AVIL: variants seen among roughly 807,000 people sequenced by gnomAD.
AVIL encodes advillin.
AVIL carries 78 observed loss-of-function variants against 109.9 expected under a neutral mutation model. That is an observed-to-expected ratio of 0.71 (90% CI 0.59 to 0.86). The LOEUF (loss-of-function observed/expected upper bound fraction) is 0.86, where lower values mean the gene tolerates loss of function less well. AVIL is among the 40% of genes least tolerant of loss of function. The pLI, the probability that AVIL is intolerant of heterozygous loss-of-function variation, is 0.00. For missense variants in AVIL, 892 were observed against 1,016.5 expected (o/e 0.88, Z 1.67); for synonymous variants, 367 against 379.1 (o/e 0.97, Z 0.37).
At position 57,797,871 on chromosome 12, in the gene AVIL, G is replaced by A. The variant is rs1489543501; in HGVS notation, c.*11C>T. 1 of 1,602,070 alleles carries A rather than the reference G, an allele frequency of 6.2e-7. No individual in the cohort carries two copies. The highest frequency in any genetic ancestry group is 2.2e-5 in the East Asian group (1 of 44,688). On this transcript the variant is annotated 3_prime_UTR_variant, in exon 20 of 20. Coordinates refer to ENST00000549994, the MANE Select transcript of AVIL (RefSeq NM_006576.4). ...TTCTGTGGCCTTGCAATAGGTATAG[G>A]CCTTCTTGCTTTAGAAAAGCCCCTT...
intron 14 of AVIL, among the ~76,000 whole-genome samples, chr12:57,804,575 G>A (rs141895239): frequency 1.4e-4 from 21 of 152,294 alleles, no homozygotes; most frequent in Non-Finnish European, 2.6e-4. Context: ...ACTTTGGGAG[G>A]CTGAGGCAGG....
At position 57,810,563 on chromosome 12, in the gene AVIL, G is replaced by T; in HGVS notation, c.559-12C>A. 6.2e-7 allele frequency: 1 copy of T among 1,612,296 alleles called. No homozygotes were observed. The highest frequency in any genetic ancestry group is 8.5e-7 in the Non-Finnish European group (1 of 1,179,866). ...GCCAGAAGCATAGCCTGTCAAAGAAGCCCAAGGAAGCCCTCAGCTCCTCTG... is the reference window on the plus strand; with the variant it reads ...GCCAGAAGCATAGCCTGTCAAAGAATCCCAAGGAAGCCCTCAGCTCCTCTG... On this transcript the variant is annotated splice_polypyrimidine_tract_variant and intron_variant, in intron 6 of 19. Coordinates refer to ENST00000549994, the MANE Select transcript of AVIL (RefSeq NM_006576.4).
Position 57,815,992 on chromosome 12 carries a change from T to G in AVIL, c.49A>C (p.Ile17Leu). ...FRAVDNDPGI[I>L]VWRIEKMELA... is the part of the protein sequence containing the mutation. ...CAGCTCACCTCTATTCTCCAGACAA[T>G]GATCCCAGGGTCGTTGTCCACAGCC... The change falls in exon 2 of 20, where the codon ATT becomes CTT. Residue 17 changes from isoleucine (I) to leucine (L), a missense_variant. Physicochemically the swap from Ile to Leu is conservative, Grantham distance 5. Coordinates refer to ENST00000549994, the MANE Select transcript of AVIL (RefSeq NM_006576.4). The G allele has an allele frequency of 6.2e-7, 1 of 1,614,198 alleles. No homozygotes were observed. Among genetic ancestry groups the G allele is most frequent in the South Asian group, 1.1e-5 (1 of 91,080 alleles).
chr12:57,818,516 T>C (rs1489004575), intron 1 of AVIL, 113 bp downstream of exon 1: 1 of 152,216 alleles, frequency 6.6e-6, no homozygotes, highest in East Asian at 1.9e-4. Flanking sequence ...TGGTTCATTT[T>C]AAAAGCCTCA....
chr12:57,816,163 G>C, intron 1 of AVIL, 104 bp from the exon 2 acceptor site: 1 of 896,218 alleles, frequency 1.1e-6, no homozygotes, highest in Non-Finnish European at 1.7e-6. Flanking sequence ...CAGCCATCCT[G>C]CCACACCCTC....
chr12:57,815,889 G>A (rs1956095695), intron 2 of AVIL, 86 bp downstream of exon 2: 16 of 1,597,740 alleles, frequency 1.0e-5, no homozygotes, highest in Middle Eastern at 2.0e-4. Flanking sequence ...AAGGGGTGCT[G>A]GCGGGCTGTT....
intron 1 of AVIL, 85 bp from the exon 2 acceptor site, chr12:57,816,144 G>A: frequency 4.3e-6 from 5 of 1,168,270 alleles, no homozygotes; most frequent in Non-Finnish European, 6.1e-6. Flanking sequence ...CTGCTTCCCA[G>A]TCTGTTGTCA....
chr12:57,805,939 A>C (rs1229899437), intron 14 of AVIL: 2 of 157,160 alleles, frequency 1.3e-5, no homozygotes, highest in South Asian at 1.5e-4. Flanking sequence ...CTGGTTCAAG[A>C]GATTCTTCTG....
In AVIL at chr12:57,809,807, C is replaced by T. The variant is rs1204950672; in HGVS notation, c.840+5G>A. ...CCAAGCTAAGTCCACCCAAACTCTACTTACATCATGGTTCAGTAAGTCCTG... is the reference window on the plus strand; with the variant it reads ...CCAAGCTAAGTCCACCCAAACTCTATTTACATCATGGTTCAGTAAGTCCTG... On this transcript the variant is annotated splice_donor_5th_base_variant and intron_variant, in intron 8 of 19. Transcript: ENST00000549994. The T allele has an allele frequency of 1.9e-6, 3 of 1,614,222 alleles. No individual in the cohort carries two copies. In the South Asian group the frequency reaches 3.3e-5, roughly 18 times the overall value.
rs755933666 is a variant in AVIL, at chr12:57,805,536, GT to G, written c.1671+823del. On this transcript the variant is annotated intron_variant, in intron 14 of 19. Transcript: ENST00000549994. ...TAGGTGTAAGCAGGGCTTTCAGTGAGTTTTTTTTTTTTTTGAGATGGAGTTT... is the reference window on the plus strand; with the variant it reads ...TAGGTGTAAGCAGGGCTTTCAGTGAGTTTTTTTTTTTTTGAGATGGAGTTT... 6.3e-3 allele frequency among the ~76,000 whole-genome samples: 904 copies of G among 142,380 alleles called. 7 individuals are homozygous for G. The highest frequency in any genetic ancestry group is 0.019 in the African/African-American group (729 of 39,104). The allele number at this position is 142,380 out of a possible 152,430, so 93.4% of individuals were successfully genotyped here. A position where few individuals can be genotyped will look rare whatever the true frequency, so the allele number is the denominator to read the frequency against.
At chr12:57,805,176 C>T (rs914882031) in intron 14 of AVIL, among the ~76,000 whole-genome samples, 1 of 152,020 alleles carries the variant, frequency 6.6e-6, no homozygotes, top group Non-Finnish European at 1.5e-5. Context: ...CTGCCTCAGC[C>T]TCCGGAGTAG....
At chr12:57,815,348 C>A (rs1207061663) in intron 2 of AVIL, among the ~76,000 whole-genome samples, 1 of 152,214 alleles carries the variant, frequency 6.6e-6, no homozygotes, top group East Asian at 1.9e-4. Flanking sequence ...AGCTGACTCC[C>A]CCTCCTGGTT....
At chr12:57,798,064 G>T in intron 19 of AVIL, 69 bp from the exon 20 acceptor site, 2 of 1,218,872 alleles carry the variant, frequency 1.6e-6, no homozygotes, top group South Asian at 1.4e-5. Flanking sequence ...AGTTGAGGAA[G>T]TTGGAGCAAG....
rs1180323045 is a variant in AVIL, at chr12:57,807,875, C to T, written c.1195-148G>A. The T allele has an allele frequency of 9.6e-6, 11 of 1,148,864 alleles. No homozygotes were observed. The East Asian group carries it at 2.5e-4, about 26-fold the overall frequency. The allele number at this position is 1,148,864 out of a possible 1,614,324, so 71.2% of individuals were successfully genotyped here. On this transcript the variant is annotated intron_variant, in intron 11 of 19. Transcript: ENST00000549994. ...TGGTTCTCTCCCAGTGCTGAGGACT[C>T]ATCACATTTGCATGATTTGAATCGT...
At position 57,799,801 on chromosome 12, in the gene AVIL, T is replaced by G; in HGVS notation, c.2340A>C (p.Lys780Asn). ...AGTTCCTTCAGCCACTCACCTCCTT[T>G]TTGGCAGGGTTTACATCCTCAGGCA... ...QELPEDVNPA[K>N]KENYLSEQDF... is the part of the protein sequence containing the mutation. The change falls in exon 19 of 20, where the codon AAA (lysine) becomes AAC (asparagine). Residue 780 changes from lysine to asparagine, a missense_variant. Physicochemically the swap from Lys to Asn is moderately conservative, Grantham distance 94 (BLOSUM62 0). Coordinates refer to ENST00000549994, the MANE Select transcript of AVIL (RefSeq NM_006576.4). 6.2e-7 allele frequency: 1 copy of G among 1,614,016 alleles called. No individual in the cohort carries two copies. The highest frequency in any genetic ancestry group is 1.6e-4 in the Middle Eastern group (1 of 6,062).
intron 16 of AVIL, among the ~76,000 whole-genome samples, 163 bp downstream of exon 16, chr12:57,803,084 A>G (rs1955882609): frequency 6.6e-6 from 1 of 152,198 alleles, no homozygotes; most frequent in Non-Finnish European, 1.5e-5. Flanking sequence ...CACCCCTGGA[A>G]AAAAAACCCG....
chr12:57,799,967 C>CTT (rs1955814260), intron 18 of AVIL, 47 bp from the exon 19 acceptor site: 1 of 1,608,896 alleles, frequency 6.2e-7, no homozygotes, highest in African/African-American at 1.3e-5. Flanking sequence ...TCCTCAGTGT[C>CTT]TGTGTGGTTA....
intron 1 of AVIL, among the ~76,000 whole-genome samples, chr12:57,817,283 T>TA (rs1956110914): frequency 6.6e-6 from 1 of 151,576 alleles, no homozygotes; most frequent in Non-Finnish European, 1.5e-5. Flanking sequence ...TTTGGGGACA[T>TA]ACTGTTTGTT....
rs774154424 is a variant in AVIL at position 57,810,912 on chromosome 12, C to G, written c.462G>C (p.Trp154Cys). 1.2e-6 allele frequency: 2 copies of G among 1,614,148 alleles called. No homozygotes were observed. Among genetic ancestry groups the G allele is most frequent in the East Asian group, 4.5e-5 (2 of 44,882 alleles). ...AGACATCACCTCGGTTGAAACTGTC[C>G]CAGCTCATTTCCACCTGTCGATGAG... Reference protein sequence around the residue: ...NIRATEVEMSWDSFNRGDVFL... With the variant: ...NIRATEVEMSCDSFNRGDVFL... Residue 154 changes from tryptophan to cysteine, a missense_variant, in exon 6 of 20, where the codon TGG becomes TGC. By Grantham distance (215) the Trp-to-Cys change is radical (BLOSUM62 -2). Transcript: ENST00000549994.
Sources: allele counts gnomAD v4.1 joint callset (sites outside exome capture counted in the v4.1 genomes callset), GRCh38; gene constraint gnomAD v4.1.1; transcripts MANE v1.5; gene names NCBI Gene and HGNC (gene_info 2026-07-23, HGNC 2026-07-21).